The following ASB14 variants were observed in gnomAD, a reference collection of about 807,000 sequenced individuals.
The protein encoded by ASB14 is ankyrin repeat and SOCS box containing 14, also known as ankyrin repeat and SOCS box protein 14.
A neutral mutation model predicts 55.6 loss-of-function variants in ASB14; 63 were observed. The observed-to-expected ratio is 1.13, with a 90% CI of 0.92 to 1.40. The LOEUF (loss-of-function observed/expected upper bound fraction) is 1.40. ASB14 is among the 40% of genes most tolerant of loss of function. The pLI is 0.00. For missense variants in ASB14, 724 were observed against 710.4 expected (o/e 1.02, Z -0.22); for synonymous variants, 256 against 259.9 (o/e 0.98, Z 0.15).
intron 3 of ASB14, 28 bp downstream of exon 3, chr3:57,289,040 A>G (rs1191670131): frequency 6.2e-6 from 9 of 1,463,182 alleles, no homozygotes; most frequent in Non-Finnish European, 8.3e-6. Context: ...ACATCTTACC[A>G]CAAGTTAAAG....
At chr3:57,288,938 G>T in intron 3 of ASB14, 130 bp downstream of exon 3, 1 of 618,058 alleles carries the variant, frequency 1.6e-6, no homozygotes, top group African/African-American at 1.9e-5. Flanking sequence ...GGCTGGTCTC[G>T]AACTCCTGAC....
chr3:57,282,815 A>G (rs558669402), intron 6 of ASB14, among the ~76,000 whole-genome samples: 12 of 152,322 alleles, frequency 7.9e-5, no homozygotes, highest in African/African-American at 2.9e-4. Context: ...GCCATTTGGT[A>G]ACAGATTAAA....
intron 2 of ASB14, among the ~76,000 whole-genome samples, chr3:57,291,033 A>T (rs1266808797): frequency 1.6e-4 from 24 of 152,100 alleles, no homozygotes; most frequent in Non-Finnish European, 4.4e-5. Flanking sequence ...CTCCTCTCTA[A>T]GTAGGGATAA....
intron 10 of ASB14, chr3:57,271,888 GTTCCATTACTGTTGAACTATATGAACTA>G (rs1270399510): frequency 2.0e-5 from 3 of 152,108 alleles, no homozygotes; most frequent in Admixed American, 1.3e-4. Context: ...TTCAGCTTTT[GTTCCATTACTGTTGAACTATATGAACTA>G]TTCCATTACT....
intron 2 of ASB14, among the ~76,000 whole-genome samples, chr3:57,290,542 G>C (rs1213255736): frequency 6.6e-6 from 1 of 152,170 alleles, no homozygotes; most frequent in Admixed American, 6.5e-5. Context: ...CCAGAAATTA[G>C]GACATCTTTG....
intron 5 of ASB14, among the ~76,000 whole-genome samples, chr3:57,286,015 A>G (rs1183428631): frequency 6.6e-6 from 1 of 152,188 alleles, no homozygotes; most frequent in Non-Finnish European, 1.5e-5. Flanking sequence ...TATGTCTGAA[A>G]ATATCTTTTA....
Position 57,277,866 on chromosome 3 carries a change from G to C in ASB14, c.1486C>G (p.Arg496Gly). 1 of 1,613,734 alleles carries C rather than the reference G, an allele frequency of 6.2e-7. No homozygotes were observed. Among genetic ancestry groups the C allele is most frequent in the Non-Finnish European group, 8.5e-7 (1 of 1,179,792 alleles). Residue 496 changes from arginine to glycine, a missense_variant, in exon 9 of 11, where the codon CGA (arginine) becomes GGA (glycine). Coordinates refer to ENST00000487349, the MANE Select transcript of ASB14 (RefSeq NM_001142733.3). ...TGATCAACATAATCAAGCATCACTC[G>C]AACAACCTTTCCAGAGAGATGTTGC... ...WLQHLSGKVV[R>G]VMLDYVDQVR...
intron 10 of ASB14, chr3:57,272,419 A>G (rs537728258): frequency 2.6e-5 from 4 of 152,304 alleles, no homozygotes; most frequent in Non-Finnish European, 5.9e-5. Context: ...TGTTTCCACT[A>G]TACTTGGGAA....
chr3:57,268,393 T>G lies in ASB14; in HGVS notation c.*1248A>C. ...ATTCATTAGTTTTATTCATCTGTTC[T>G]TTAGGATCGTAGGGCATCAGAAAAA... On this transcript the variant is annotated 3_prime_UTR_variant, in exon 11 of 11. Transcript: ENST00000487349. The G allele has an allele frequency of 6.4e-7, 1 of 1,552,556 alleles. No individual in the cohort carries two copies.
intron 10 of ASB14, among the ~76,000 whole-genome samples, chr3:57,275,832 A>G (rs1282645889): frequency 6.6e-6 from 1 of 152,232 alleles, no homozygotes; most frequent in Non-Finnish European, 1.5e-5. Flanking sequence ...TGAATAGGCA[A>G]TTATATAGTA....
At chr3:57,284,088 C>CTATGTATGTGTG (rs1553640077) in intron 5 of ASB14, among the ~76,000 whole-genome samples, 6 of 41,394 alleles carry the variant, frequency 1.4e-4, no homozygotes, top group African/African-American at 4.0e-4. Flanking sequence ...CTTGGGAACA[C>CTATGTATGTGTG]TGTGTATGTG....
intron 5 of ASB14, among the ~76,000 whole-genome samples, chr3:57,286,182 T>C (rs1303336393): frequency 6.6e-6 from 1 of 152,152 alleles, no homozygotes; most frequent in East Asian, 1.9e-4. Context: ...TGATTTTTCA[T>C]CTTTTGTATA....
chr3:57,288,409 T>C, intron 3 of ASB14, 123 bp from the exon 4 acceptor site: 1 of 1,084,534 alleles, frequency 9.2e-7, no homozygotes, highest in Non-Finnish European at 1.3e-6. Flanking sequence ...CACCACCTTT[T>C]ATGAAAGACA....
chr3:57,272,671 G>C (rs1310250178), intron 10 of ASB14: 4 of 152,038 alleles, frequency 2.6e-5, no homozygotes, highest in Admixed American at 6.6e-5. Flanking sequence ...GTGATCTTGG[G>C]TCACTGCAAA....
chr3:57,274,347 A>ATGTC (rs2060970187), intron 10 of ASB14, among the ~76,000 whole-genome samples: 1 of 152,178 alleles, frequency 6.6e-6, no homozygotes, highest in Admixed American at 6.5e-5. Context: ...GGTTGAATGA[A>ATGTC]TGTCTTTTTC....
At position 57,278,501 on chromosome 3, in the gene ASB14, A is replaced by C. The variant is rs1319688613; in HGVS notation, c.1307T>G (p.Met436Arg). The C allele has an allele frequency of 6.2e-7, 1 of 1,614,212 alleles. No homozygotes were observed. The highest frequency in any genetic ancestry group is 1.7e-5 in the Admixed American group (1 of 60,026). Residue 436 changes from methionine to arginine, a missense_variant, in exon 8 of 11, where the codon ATG (methionine) becomes AGG (arginine). By Grantham distance (91) the Met-to-Arg change is moderately conservative. Transcript: ENST00000487349. Reference protein sequence around the residue: ...ALQYTLKDEVMLRMLLNYGYD... With the variant: ...ALQYTLKDEVRLRMLLNYGYD... Reference sequence around the variant, plus strand: ...CCCATAGTTCAGCAGCATCCTGAGCATGACTTCATCTTTCAGAGTGTATTG... The same window carrying C: ...CCCATAGTTCAGCAGCATCCTGAGCCTGACTTCATCTTTCAGAGTGTATTG...
Position 57,283,363 on chromosome 3 carries a change from G to T in ASB14, c.546C>A (p.Asn182Lys). Residue 182 changes from asparagine to lysine, a missense_variant, in exon 6 of 11, where the codon AAC becomes AAA. By Grantham distance (94) the Asn-to-Lys change is moderately conservative. Coordinates refer to ENST00000487349, the MANE Select transcript of ASB14 (RefSeq NM_001142733.3). Reference sequence around the variant, plus strand: ...CTGCTTCGTGGAGAGCTGTCCTCTCGTTGGCACAACGCAGATTGACATCTG... The same window carrying T: ...CTGCTTCGTGGAGAGCTGTCCTCTCTTTGGCACAACGCAGATTGACATCTG... Reference protein sequence around the residue: ...YGADVNLRCANERTALHEAAK... With the variant: ...YGADVNLRCAKERTALHEAAK... 1 of 1,551,632 alleles carries T rather than the reference G, an allele frequency of 6.4e-7. No homozygotes were observed.
chr3:57,289,687 CTTTT>C lies in ASB14; in HGVS notation c.123-568_123-565del, dbSNP rs34419265. Among the ~76,000 whole-genome samples the C allele has an allele frequency of 1.1e-4, 11 of 100,338 alleles. No individual in the cohort carries two copies. In the South Asian group the frequency reaches 2.6e-3, roughly 23 times the overall value. 65.8% of individuals were successfully genotyped at this position (100,338 alleles called of 152,430 possible). A position where few individuals can be genotyped will look rare whatever the true frequency, so the allele number is the denominator to read the frequency against. The stretch of plus-strand genomic sequence containing the variant: ...CAAATAAGGATTGTCACCTTCCATT[CTTTT>C]TTTTTTTTTTTTTTTTTTTGAGATG... On this transcript the variant is annotated intron_variant, in intron 2 of 10. Transcript: ENST00000487349.
intron 8 of ASB14, 48 bp downstream of exon 8, chr3:57,278,329 G>A: frequency 6.7e-7 from 1 of 1,492,634 alleles, no homozygotes; most frequent in East Asian, 2.3e-5. Context: ...TAGTTCCAGG[G>A]CCACAAATAA....
Sources: gnomAD v4.1 joint callset for allele counts (sites outside exome capture counted in the v4.1 genomes callset) on GRCh38, gnomAD v4.1.1 for gene constraint, MANE v1.5 for transcripts, NCBI Gene and HGNC (gene_info 2026-07-23, HGNC 2026-07-21) for gene names.